Variants in EMC3 observed in about 807,000 individuals in gnomAD.
The protein encoded by EMC3 is 30 kDa protein.
In EMC3, 13 loss-of-function variants were observed where a neutral mutation model predicts 36.6. That is an observed-to-expected ratio of 0.35 (90% CI 0.23 to 0.56). The LOEUF (loss-of-function observed/expected upper bound fraction) is 0.56, where lower values mean the gene tolerates loss of function less well. Among genes scored for constraint, EMC3 ranks in the 20% least tolerant of loss-of-function variants. EMC3 has a pLI of 0.84. For missense variants in EMC3, 220 were observed against 324.5 expected (o/e 0.68, Z 2.47); for synonymous variants, 120 against 111.9 (o/e 1.07, Z -0.46).
At chr3:9,972,747 A>G (rs565516358) in intron 5 of EMC3, among the ~76,000 whole-genome samples, 19 of 151,520 alleles carry the variant, frequency 1.3e-4, no homozygotes, top group African/African-American at 4.3e-4. Flanking sequence ...GCTGGGTGAC[A>G]GAGTGAGACT....
chr3:10,006,360 A>G (rs1368582852), intron 1 of EMC3: 1 of 152,268 alleles, frequency 6.6e-6, no homozygotes, highest in African/African-American at 2.4e-5. Flanking sequence ...TCGCCCCAAC[A>G]TAGTTGCATG....
chr3:10,000,579 T>C, intron 1 of EMC3: 1 of 356,198 alleles, frequency 2.8e-6, no homozygotes, highest in Non-Finnish European at 5.7e-6. Context: ...TATTAAAGTA[T>C]GGTACACATA....
upstream of EMC3, chr3:9,986,856 G>A (rs533404480): frequency 2.8e-5 from 39 of 1,378,884 alleles, no homozygotes; most frequent in Admixed American, 5.4e-4. Context: ...CGCGAACGTT[G>A]ACGTCACGTC....
chr3:10,010,131 C>A (rs567422257), intron 1 of EMC3: 15 of 152,844 alleles, frequency 9.8e-5, no homozygotes, highest in African/African-American at 3.1e-4. Flanking sequence ...CACTGCTCTT[C>A]CCTATCTTAA....
chr3:10,001,093 TTTCTC>T (rs1335243978), intron 1 of EMC3, among the ~76,000 whole-genome samples: 2 of 152,082 alleles, frequency 1.3e-5, no homozygotes, highest in Non-Finnish European at 2.9e-5. Flanking sequence ...TCATGAAGGT[TTTCTC>T]TTATTTTCTT....
chr3:9,994,298 T>C (rs368684182), intron 1 of EMC3: 7 of 871,064 alleles, frequency 8.0e-6, no homozygotes, highest in Admixed American at 5.8e-5. Context: ...AATGTGTTTA[T>C]GTTTTTTGAC....
At chr3:10,003,048 C>T (rs1488498289) in intron 1 of EMC3, 12 of 455,782 alleles carry the variant, frequency 2.6e-5, no homozygotes, top group Admixed American at 4.7e-5. Context: ...CTCAACAAGC[C>T]GCCCAGCATG....
intron 1 of EMC3, among the ~76,000 whole-genome samples, chr3:10,002,173 T>G (rs1272851009): frequency 6.6e-6 from 1 of 152,214 alleles, no homozygotes; most frequent in Non-Finnish European, 1.5e-5. Context: ...ATTGAATCAC[T>G]TTGAATGGTA....
At chr3:9,991,994 A>G (rs570008374) in intron 1 of EMC3, among the ~76,000 whole-genome samples, 100 of 152,286 alleles carry the variant, frequency 6.6e-4, no homozygotes, top group South Asian at 1.7e-3. Context: ...GGCGGATCTC[A>G]GTGGTAATGA....
At chr3:9,983,174 G>C (rs1056721399) in intron 1 of EMC3, among the ~76,000 whole-genome samples, 1 of 150,470 alleles carries the variant, frequency 6.6e-6, no homozygotes, top group Admixed American at 6.6e-5. Context: ...TTGAGACAGA[G>C]CCTCCTTCTG....
At chr3:9,993,548 G>A (rs1233305178) in intron 1 of EMC3, among the ~76,000 whole-genome samples, 2 of 151,982 alleles carry the variant, frequency 1.3e-5, no homozygotes, top group Non-Finnish European at 2.9e-5. Flanking sequence ...GTTCTTTTCT[G>A]TGTTTATTTC....
chr3:9,974,264 A>T (rs1008660908), intron 4 of EMC3, 120 bp downstream of exon 4: 2 of 683,416 alleles, frequency 2.9e-6, no homozygotes, highest in African/African-American at 3.6e-5. Context: ...CACATATTAA[A>T]TTTTTTGTTC....
Position 9,993,036 on chromosome 3 carries a change from T to C in EMC3, c.-241-6134A>G, listed in dbSNP as rs1170691059. ...AGTAAGTGTCAGAGACTATTGATTTTTAATCTAAAACAGAAAGCTTTACAG... is the reference window on the plus strand; with the variant it reads ...AGTAAGTGTCAGAGACTATTGATTTCTAATCTAAAACAGAAAGCTTTACAG... On this transcript the variant is annotated intron_variant, in intron 1 of 8. Transcript: ENST00000470827. 2.5e-6 allele frequency: 3 copies of C among 1,184,906 alleles called. No individual in the cohort carries two copies. The African/African-American group carries it at 4.5e-5, about 18-fold the overall frequency. 73.4% of individuals were successfully genotyped at this position (1,184,906 alleles called of 1,614,324 possible). A position where few individuals can be genotyped will look rare whatever the true frequency, so the allele number is the denominator to read the frequency against.
At chr3:10,006,164 A>G (rs911879693) in intron 1 of EMC3, among the ~76,000 whole-genome samples, 2 of 152,208 alleles carry the variant, frequency 1.3e-5, no homozygotes, top group Admixed American at 6.5e-5. Context: ...TCCCTGATAC[A>G]CCAAAAACCA....
chr3:9,975,506 T>C (rs1479339881), intron 3 of EMC3, among the ~76,000 whole-genome samples: 1 of 135,068 alleles, frequency 7.4e-6, no homozygotes, highest in African/African-American at 2.7e-5. Context: ...CTTACTGGGC[T>C]AAAAAAAAAA....
intron 1 of EMC3, among the ~76,000 whole-genome samples, chr3:10,001,339 A>G (rs930168522): frequency 1.3e-5 from 2 of 150,554 alleles, no homozygotes; most frequent in Admixed American, 6.7e-5. Context: ...AGGTGGGCGG[A>G]TCACGAGGTC....
At chr3:9,972,136 T>C (rs778420728) in intron 5 of EMC3, among the ~76,000 whole-genome samples, 3 of 152,146 alleles carry the variant, frequency 2.0e-5, no homozygotes, top group African/African-American at 4.8e-5. Context: ...CCTACACAGG[T>C]TTCATAGGTT....
At chr3:9,990,033 T>G (rs1262344458), upstream of EMC3, among the ~76,000 whole-genome samples, 41 of 151,692 alleles carry the variant, frequency 2.7e-4, no homozygotes, top group Admixed American at 6.6e-5. Flanking sequence ...TTTCTCTTTT[T>G]TTTTTGAGAC....
chr3:9,980,515 A>T (rs1575682156), intron 1 of EMC3, among the ~76,000 whole-genome samples: 1 of 148,628 alleles, frequency 6.7e-6, no homozygotes, highest in South Asian at 2.1e-4. Context: ...ACAGGCACAC[A>T]CCATGACACC....
Sources: gnomAD v4.1 joint callset for allele counts (sites outside exome capture counted in the v4.1 genomes callset) on GRCh38, gnomAD v4.1.1 for gene constraint, MANE v1.5 for transcripts, NCBI Gene and HGNC (gene_info 2026-07-23, HGNC 2026-07-21) for gene names.